The following CSMD2 variants were observed in gnomAD, a reference collection of about 807,000 sequenced individuals.
CSMD2 encodes the protein CUB and sushi domain-containing protein 2.
In CSMD2, 130 loss-of-function variants were observed where a neutral mutation model predicts 398.5. The ratio of observed to expected loss-of-function variants is 0.33; its 90% CI spans 0.28 to 0.38. The LOEUF (loss-of-function observed/expected upper bound fraction) is 0.38, where lower values mean the gene tolerates loss of function less well. Among genes scored for constraint, CSMD2 ranks in the 10% least tolerant of loss-of-function variants. The pLI, the probability that CSMD2 is intolerant of heterozygous loss-of-function variation, is 1.00. For synonymous variants in CSMD2, 1,828 were observed against 1,908.5 expected, an observed-to-expected ratio of 0.96 and a Z score of 1.10; for missense variants, 3,829 against 4,764.9, an observed-to-expected ratio of 0.80 and a Z score of 5.78.
rs1315980121 is a variant in CSMD2, at chr1:33,636,223, G to A, written c.4969+137C>T. 1.6e-5 allele frequency: 12 copies of A among 769,818 alleles called. No homozygotes were observed. The highest frequency in any genetic ancestry group is 1.5e-4 in the South Asian group (8 of 54,082). 47.7% of individuals were successfully genotyped at this position (769,818 alleles called of 1,614,324 possible). On this transcript the variant is annotated intron_variant, in intron 30 of 70. Coordinates refer to ENST00000373381, the MANE Select transcript of CSMD2 (RefSeq NM_001281956.2). The surrounding 1 kb of genome is among the most constrained non-coding windows in gnomAD (Gnocchi z 4.8). ...ATAAGCCACTTCTATACACATCCAC[G>A]GCAAACCCAGGTTTGCCAGGCTTGG...
chr1:33,804,964 G>C lies in CSMD2; in HGVS notation c.1446+5779C>G, dbSNP rs1656054754. On this transcript the variant is annotated intron_variant, in intron 10 of 70. Coordinates refer to ENST00000373381, the MANE Select transcript of CSMD2 (RefSeq NM_001281956.2). The stretch of plus-strand genomic sequence containing the variant: ...CTCAGCACTACCTGAAGCCCACCAA[G>C]GCCCCACAGAGATATTAGAAACACT... 11 of 707,954 alleles carry C rather than the reference G, an allele frequency of 1.6e-5. No individual in the cohort carries two copies. In the South Asian group the frequency reaches 1.7e-4, roughly 11 times the overall value. The allele number at this position is 707,954 out of a possible 1,614,324, so 43.9% of individuals were successfully genotyped here. A position where few individuals can be genotyped will look rare whatever the true frequency, so the allele number is the denominator to read the frequency against.
chr1:33,864,751 G>A (rs2125125730), intron 5 of CSMD2: 1 of 1,598,344 alleles, frequency 6.3e-7, no homozygotes, highest in South Asian at 1.1e-5. Context: ...AGGCAGAGCT[G>A]ATGGATCCAG....
rs1641513948 is a variant in CSMD2, at chr1:34,163,137, A to G, written c.187+1774T>C. Among the ~76,000 whole-genome samples the G allele has an allele frequency of 6.6e-6, 1 of 152,238 alleles. No homozygotes were observed. The highest frequency in any genetic ancestry group is 6.5e-5 in the Admixed American group (1 of 15,292). On this transcript the variant is annotated intron_variant, in intron 1 of 70. Coordinates refer to ENST00000373381, the MANE Select transcript of CSMD2 (RefSeq NM_001281956.2). This position sits in a 1 kb window ranked among gnomAD's most constrained non-coding sequence, Gnocchi z 5.4. ...AGGGACAAATCTAGCCAGAAAAACA[A>G]TTCAGTCCGATGCCGAGACATTCTC... is the stretch of plus-strand genomic sequence containing the variant.
At chr1:33,849,196 G>A (rs979234696) in intron 5 of CSMD2, among the ~76,000 whole-genome samples, 2 of 152,126 alleles carry the variant, frequency 1.3e-5, no homozygotes, top group African/African-American at 4.8e-5. Flanking sequence ...TACCTCCCTG[G>A]ACACAAATGT....
chr1:33,938,928 T>G (rs1644577194), intron 3 of CSMD2, among the ~76,000 whole-genome samples: 1 of 152,016 alleles, frequency 6.6e-6, no homozygotes. Flanking sequence ...TGCTGCTGAC[T>G]TACTTGGCAT....
intron 62 of CSMD2, 56 bp downstream of exon 62, chr1:33,536,966 A>T: frequency 6.5e-7 from 1 of 1,543,210 alleles, no homozygotes; most frequent in South Asian, 1.1e-5. Context: ...TCTTATGTTG[A>T]CAGTGACAAG....
At chr1:33,693,339 C>T (rs576879726) in intron 24 of CSMD2, among the ~76,000 whole-genome samples, 2 of 152,326 alleles carry the variant, frequency 1.3e-5, no homozygotes, top group South Asian at 2.1e-4. Context: ...CCAATACATA[C>T]ATGAAAAGAT....
chr1:33,809,543 A>C (rs1022010771), intron 10 of CSMD2, among the ~76,000 whole-genome samples: 19 of 152,076 alleles, frequency 1.2e-4, no homozygotes, highest in Non-Finnish European at 7.4e-5. Flanking sequence ...CAAATGAAAA[A>C]TAAGCTTCAG....
chr1:33,882,618 C>T (rs1320399806), intron 5 of CSMD2, among the ~76,000 whole-genome samples: 2 of 152,258 alleles, frequency 1.3e-5, no homozygotes, highest in East Asian at 3.9e-4. Context: ...GAGTTCACTG[C>T]AGAGGTCAAC....
At chr1:34,115,195 A>C (rs1255865326) in intron 1 of CSMD2, among the ~76,000 whole-genome samples, 1 of 152,176 alleles carries the variant, frequency 6.6e-6, no homozygotes, top group Non-Finnish European at 1.5e-5. Flanking sequence ...TGAAAAAAAT[A>C]ACGGCTGAAA....
chr1:33,991,988 G>A (rs567866548), intron 3 of CSMD2, among the ~76,000 whole-genome samples: 14 of 152,008 alleles, frequency 9.2e-5, no homozygotes, highest in South Asian at 4.2e-4. Context: ...AAGAGGCACC[G>A]TGTTGCTAAT....
intron 2 of CSMD2, among the ~76,000 whole-genome samples, chr1:34,073,883 T>G (rs1172718806): frequency 6.6e-6 from 1 of 152,200 alleles, no homozygotes; most frequent in Non-Finnish European, 1.5e-5. Context: ...ACAGGAAGCA[T>G]GATGCTGGCA....
At chr1:33,610,586 T>C (rs1305184363) in intron 41 of CSMD2, among the ~76,000 whole-genome samples, 1 of 152,208 alleles carries the variant, frequency 6.6e-6, no homozygotes, top group South Asian at 2.1e-4. Context: ...CTGCTCCTTG[T>C]GCAAGGCTTA....
rs746116665 is a variant in CSMD2, at chr1:33,550,273, G to A, written c.8821C>T (p.Arg2941Trp). ...GDSYTVGAVV[R>W]YSCIGKRTLV... ...GTACGCTTGCCGATGCAGCTGTACC[G>A]CACCACTGCTCCCACAGTATAACTG... The change falls in exon 56 of 71, where the codon CGG becomes TGG. Residue 2941 changes from arginine to tryptophan, a missense_variant. Physicochemically the swap from Arg to Trp is moderately radical, Grantham distance 101. Around this residue, in one of 5 missense-constraint regions of CSMD2, gnomAD observed 917 missense variants for 1,199.5 expected, o/e 0.76. Transcript: ENST00000373381. 9 of 1,614,044 alleles carry A rather than the reference G, an allele frequency of 5.6e-6. No individual in the cohort carries two copies. In the Admixed American group the frequency reaches 6.7e-5, roughly 12 times the overall value.
Position 33,662,909 on chromosome 1 carries a change from G to T in CSMD2, c.4236C>A (p.Gly1412=). 6.2e-7 allele frequency: 1 copy of T among 1,614,192 alleles called. No individual in the cohort carries two copies. Among genetic ancestry groups the T allele is most frequent in the South Asian group, 1.1e-5 (1 of 91,078 alleles). The change falls in exon 26 of 71, where the codon GGC becomes GGA. Residue 1412 remains glycine, a synonymous_variant. Transcript: ENST00000373381. ...FSTDFFTSKQ[G]FAIQFSVSTA... is the part of the protein sequence containing the mutation. The stretch of plus-strand genomic sequence containing the variant: ...ACAGACCTGAAAATTGAATGGCAAA[G>T]CCCTGCTTGCTGGTGAAGAAGTCAG...
At chr1:34,138,515 C>T (rs4652987) in intron 1 of CSMD2, among the ~76,000 whole-genome samples, 146,796 of 152,326 alleles carry the variant, frequency 0.96, 70,925 homozygotes, top group East Asian at 1. Context: ...AATTAAGATT[C>T]TGATGTAACA....
In CSMD2 at chr1:33,600,873, G is replaced by C. The variant is rs747026123; in HGVS notation, c.6848C>G (p.Ala2283Gly). 6.2e-7 allele frequency: 1 copy of C among 1,614,162 alleles called. No homozygotes were observed. ...CAGGCTTCCATACTGACCGGAGAAA[G>C]CTATGGCGAAGATCCCCCCTGTGGC... ...DAATGGIFAI[A>G]FSAYPLTKCP... Residue 2283 changes from alanine (A) to glycine (G), a missense_variant, in exon 44 of 71, where the codon GCT (alanine) becomes GGT (glycine). This residue lies in a region of CSMD2 where 723 missense variants were observed against 758.6 expected (regional missense o/e 0.95). Coordinates refer to ENST00000373381, the MANE Select transcript of CSMD2 (RefSeq NM_001281956.2).
intron 5 of CSMD2, among the ~76,000 whole-genome samples, chr1:33,854,805 C>A (rs1638957613): frequency 6.6e-6 from 1 of 152,228 alleles, no homozygotes; most frequent in Non-Finnish European, 1.5e-5. Context: ...GCACGGCTCT[C>A]TGGAGGACAC....
At chr1:34,119,536 A>AT (rs148741841) in intron 1 of CSMD2, among the ~76,000 whole-genome samples, 29,648 of 152,170 alleles carry the variant, frequency 0.19, 3,088 homozygotes, top group South Asian at 0.36. Context: ...GTGAGTGGCT[A>AT]TACAGAATAT....
Sources: allele counts gnomAD v4.1 joint callset (sites outside exome capture counted in the v4.1 genomes callset), GRCh38; gene constraint gnomAD v4.1.1; regional missense constraint gnomAD v4.1.1; non-coding constraint Gnocchi (gnomAD v3.1); transcripts MANE v1.5; gene names NCBI Gene and HGNC (gene_info 2026-07-23, HGNC 2026-07-21).